AFF1: variants seen among roughly 807,000 people sequenced by gnomAD.
AFF1 encodes ALF transcription elongation factor 1.
A neutral mutation model predicts 121.7 loss-of-function variants in AFF1; 48 were observed. That is an observed-to-expected ratio of 0.39 (90% CI 0.31 to 0.50). The LOEUF (loss-of-function observed/expected upper bound fraction) is 0.50. Ranked by LOEUF, AFF1 falls within the 20% of genes least tolerant of loss-of-function variation. The pLI, the probability that AFF1 is intolerant of heterozygous loss-of-function variation, is 0.76. For synonymous variants in AFF1, 613 were observed against 563.0 expected, an observed-to-expected ratio of 1.09 and a Z score of -1.26; for missense variants, 1,523 against 1,511.7, an observed-to-expected ratio of 1.01 and a Z score of -0.12.
At chr4:87,058,733 A>C (rs1056797353) in intron 4 of AFF1, among the ~76,000 whole-genome samples, 3 of 151,994 alleles carry the variant, frequency 2.0e-5, no homozygotes, top group Non-Finnish European at 4.4e-5. Context: ...TCTAATTACT[A>C]CTTTCTTGTT....
intron 4 of AFF1, chr4:87,049,875 A>AGT: frequency 2.6e-6 from 1 of 378,038 alleles, no homozygotes; most frequent in Non-Finnish European, 5.3e-6. Context: ...CAATCCGGGA[A>AGT]GTGGGGATCT....
chr4:87,110,920 A>G (rs926696470), intron 11 of AFF1, among the ~76,000 whole-genome samples: 1 of 152,148 alleles, frequency 6.6e-6, no homozygotes, highest in African/African-American at 2.4e-5. Flanking sequence ...CCAAACTTTG[A>G]TCCTCTAAAC....
chr4:87,014,480 C>T (rs1023494737), intron 2 of AFF1, among the ~76,000 whole-genome samples: 2 of 152,192 alleles, frequency 1.3e-5, no homozygotes, highest in African/African-American at 4.8e-5. Flanking sequence ...AATGGAACTC[C>T]TACTGGGAAG....
intron 2 of AFF1, among the ~76,000 whole-genome samples, chr4:87,019,767 T>C (rs551613720): frequency 8.5e-5 from 13 of 152,226 alleles, no homozygotes; most frequent in African/African-American, 2.9e-4. Context: ...TAAGTAGGTG[T>C]TTCCTTGAGT....
Position 87,114,544 on chromosome 4 carries a change from C to A in AFF1, c.1711C>A (p.Pro571Thr), listed in dbSNP as rs143168567. ...QEHSESKDPPPKSSSKAPRAP... is the reference protein window; with the variant it reads ...QEHSESKDPPTKSSSKAPRAP... ...GCATTCTGAATCCAAAGATCCTCCC[C>A]CTAAAAGCTCCAGCAAAGCCCCCCG... Residue 571 changes from proline (P) to threonine (T), a missense_variant, in exon 12 of 21, where the codon CCT (proline) becomes ACT (threonine). This residue lies in a region of AFF1 where 905 missense variants were observed against 842.5 expected (regional missense o/e 1.07). Transcript: ENST00000395146. The A allele has an allele frequency of 3.2e-5, 52 of 1,611,482 alleles. No individual in the cohort carries two copies. Among genetic ancestry groups the A allele is most frequent in the Non-Finnish European group, 4.3e-5 (51 of 1,179,184 alleles).
intron 1 of AFF1, among the ~76,000 whole-genome samples, chr4:86,944,070 G>A (rs1306914662): frequency 1.3e-5 from 2 of 148,670 alleles, no homozygotes; most frequent in Admixed American, 6.8e-5. Flanking sequence ...CTTGAGCCCA[G>A]AAGGTTGAGG....
intron 2 of AFF1, among the ~76,000 whole-genome samples, chr4:86,957,118 C>T (rs1028909800): frequency 1.3e-5 from 2 of 152,146 alleles, no homozygotes; most frequent in African/African-American, 4.8e-5. Flanking sequence ...CTAGTCCAGG[C>T]ATTTGGCATT....
In AFF1 at chr4:86,977,619, T is replaced by C. The variant is rs190729830; in HGVS notation, c.38+29048T>C. 7.7e-3 allele frequency among the ~76,000 whole-genome samples: 1,168 copies of C among 152,322 alleles called. 12 individuals are homozygous for C. Among genetic ancestry groups the C allele is most frequent in the Non-Finnish European group, 8.4e-3 (574 of 68,036 alleles). On this transcript the variant is annotated intron_variant, in intron 2 of 20. Coordinates refer to ENST00000395146, the MANE Select transcript of AFF1 (RefSeq NM_001166693.3). ...TCACCTGTGTTCCCATGGTGTCTTA[T>C]CTCTGCTGTGGCGTTTTCCTATTGT...
chr4:87,117,688 A>G (rs1046510159), intron 12 of AFF1, among the ~76,000 whole-genome samples: 1 of 152,340 alleles, frequency 6.6e-6, no homozygotes, highest in Admixed American at 6.5e-5. Flanking sequence ...CTAGTTAGAA[A>G]CATTAGAAGC....
At chr4:86,945,074 G>T (rs973374351) in intron 1 of AFF1, among the ~76,000 whole-genome samples, 2 of 152,206 alleles carry the variant, frequency 1.3e-5, no homozygotes, top group African/African-American at 4.8e-5. Context: ...ATAAAATTTA[G>T]TGTGGATATA....
chr4:87,119,855 G>C (rs1034633715), intron 12 of AFF1, among the ~76,000 whole-genome samples: 3 of 152,210 alleles, frequency 2.0e-5, no homozygotes, highest in Non-Finnish European at 2.9e-5. Context: ...GTTTTGAAGA[G>C]TGAGGAAGGG....
At chr4:87,033,305 G>A (rs1033565640) in intron 2 of AFF1, among the ~76,000 whole-genome samples, 1 of 152,160 alleles carries the variant, frequency 6.6e-6, no homozygotes, top group Non-Finnish European at 1.5e-5. Flanking sequence ...CTGCTGGTTA[G>A]CAAGTCTAAA....
chr4:86,969,755 C>G (rs954020370), intron 2 of AFF1, among the ~76,000 whole-genome samples: 9 of 151,204 alleles, frequency 6.0e-5, no homozygotes, highest in African/African-American at 2.2e-4. Context: ...GGGCGGGTGC[C>G]TATAGTCCCA....
At chr4:87,092,342 T>C (rs571521239) in intron 7 of AFF1, among the ~76,000 whole-genome samples, 1 of 152,324 alleles carries the variant, frequency 6.6e-6, no homozygotes, top group South Asian at 2.1e-4. Flanking sequence ...TTTAGTGAAA[T>C]ACTAAACAAA....
intron 2 of AFF1, among the ~76,000 whole-genome samples, chr4:87,011,813 T>TA (rs1726793372): frequency 1.3e-5 from 2 of 152,208 alleles, no homozygotes; most frequent in Admixed American, 1.3e-4. Context: ...GCTTCCATGA[T>TA]AAAGACTGAA....
At chr4:86,986,626 T>C (rs1397755189) in intron 2 of AFF1, among the ~76,000 whole-genome samples, 1 of 151,864 alleles carries the variant, frequency 6.6e-6, no homozygotes, top group Non-Finnish European at 1.5e-5. Flanking sequence ...CCCCAACAAA[T>C]AAATCTCATA....
intron 2 of AFF1, among the ~76,000 whole-genome samples, chr4:86,954,555 G>C (rs773931990): frequency 2.0e-5 from 3 of 152,074 alleles, no homozygotes; most frequent in Non-Finnish European, 4.4e-5. Flanking sequence ...GTTAAACCCT[G>C]TCTCTACAAA....
At chr4:87,051,586 A>G (rs1731264226) in intron 4 of AFF1, among the ~76,000 whole-genome samples, 1 of 151,770 alleles carries the variant, frequency 6.6e-6, no homozygotes, top group Non-Finnish European at 1.5e-5. Context: ...TCAGCCTTCC[A>G]TGTAGTTGGA....
rs1722579075 is a variant in AFF1 at position 87,075,601 on chromosome 4, G to A, written c.1060-8519G>A. 2.6e-5 allele frequency among the ~76,000 whole-genome samples: 4 copies of A among 152,120 alleles called. No homozygotes were observed. In the South Asian group the frequency reaches 8.3e-4, roughly 31 times the overall value. ...ACCCTCCCCAACCTGACGTTCTGAT[G>A]TTACTGTCATATCTGAAATTTTGCA... On this transcript the variant is annotated intron_variant, in intron 4 of 20. Coordinates refer to ENST00000395146, the MANE Select transcript of AFF1 (RefSeq NM_001166693.3).
Sources: gnomAD v4.1 joint callset for allele counts (sites outside exome capture counted in the v4.1 genomes callset) on GRCh38, gnomAD v4.1.1 for gene constraint, gnomAD v4.1.1 regional missense constraint, MANE v1.5 for transcripts, NCBI Gene and HGNC (gene_info 2026-07-23, HGNC 2026-07-21) for gene names.